The following TACC1 variants were observed in gnomAD, a reference collection of about 807,000 sequenced individuals.
TACC1 encodes transforming acidic coiled-coil containing protein 1.
TACC1 carries 48 observed loss-of-function variants against 84.4 expected under a neutral mutation model. That is an observed-to-expected ratio of 0.57 (90% confidence interval 0.45 to 0.72). The LOEUF is 0.72. Among genes scored for constraint, TACC1 ranks in the 30% least tolerant of loss-of-function variants. The pLI, the probability that TACC1 is intolerant of heterozygous loss-of-function variation, is 0.00. For missense variants in TACC1, 920 were observed against 973.0 expected, an observed-to-expected ratio of 0.95 and a Z score of 0.72; for synonymous variants, 372 against 376.3, an observed-to-expected ratio of 0.99 and a Z score of 0.13.
chr8:38,800,525 G>A (rs1397656083), intron 2 of TACC1, among the ~76,000 whole-genome samples: 3 of 152,114 alleles, frequency 2.0e-5, no homozygotes, highest in Non-Finnish European at 2.9e-5. Context: ...ATGTAGTCTT[G>A]TATGACTGAA....
At chr8:38,783,829 C>T (rs201963987), upstream of TACC1, among the ~76,000 whole-genome samples, 5 of 152,238 alleles carry the variant, frequency 3.3e-5, no homozygotes, top group East Asian at 3.9e-4. Flanking sequence ...GTCCTGATTT[C>T]GGTGTTTGGG....
At chr8:38,807,499 A>G (rs547961738) in intron 2 of TACC1, among the ~76,000 whole-genome samples, 1 of 152,196 alleles carries the variant, frequency 6.6e-6, no homozygotes, top group East Asian at 1.9e-4. Context: ...GCTCTTAGAC[A>G]ATGTTTTGCC....
At chr8:38,759,936 A>G (rs1220522130) in intron 3 of TACC1, among the ~76,000 whole-genome samples, 2 of 152,216 alleles carry the variant, frequency 1.3e-5, no homozygotes, top group African/African-American at 2.4e-5. Context: ...ACCCGGCTAC[A>G]GACTTCCTGC....
chr8:38,768,628 G>A (rs1416045209), intron 3 of TACC1, among the ~76,000 whole-genome samples: 1 of 152,170 alleles, frequency 6.6e-6, no homozygotes, highest in Non-Finnish European at 1.5e-5. Flanking sequence ...GGCTGAGCAA[G>A]AAGCTGTGTC....
chr8:38,790,075 G>A (rs1365432020), intron 2 of TACC1, among the ~76,000 whole-genome samples: 2 of 152,200 alleles, frequency 1.3e-5, no homozygotes, highest in Non-Finnish European at 2.9e-5. Context: ...TCAAGGTGTT[G>A]GCAGGGCCTT....
At chr8:38,821,162 G>A (rs1269818642) in intron 3 of TACC1, among the ~76,000 whole-genome samples, 3 of 151,532 alleles carry the variant, frequency 2.0e-5, no homozygotes, top group African/African-American at 4.9e-5. Context: ...CCGAGATCAC[G>A]CCGCTGCTCT....
At chr8:38,834,476 G>T (rs899830399) in intron 6 of TACC1, among the ~76,000 whole-genome samples, 1 of 152,132 alleles carries the variant, frequency 6.6e-6, no homozygotes, top group African/African-American at 2.4e-5. Context: ...GGTTACTGGG[G>T]GGCATTTTAG....
At position 38,787,635 on chromosome 8, in the gene TACC1, CGTG is replaced by C. The variant is rs1186430677; in HGVS notation, c.56_58del (p.Trp19del). ...TCCCCCGTGCAGTGGGCGAAATGGA[CGTG>C]GTCTGCGGTACGCGGCGGGGCCGCC... On this transcript the variant is annotated inframe_deletion, in exon 1 of 13. Transcript: ENST00000317827. The C allele has an allele frequency of 3.9e-6, 6 of 1,549,338 alleles. No individual in the cohort carries two copies. Among genetic ancestry groups the C allele is most frequent in the Non-Finnish European group, 5.2e-6 (6 of 1,146,874 alleles).
chr8:38,747,914 G>A (rs1808359493), intron 3 of TACC1, among the ~76,000 whole-genome samples: 1 of 152,174 alleles, frequency 6.6e-6, no homozygotes, highest in African/African-American at 2.4e-5. Flanking sequence ...CACCACTCTG[G>A]TATGGGATGT....
intron 3 of TACC1, among the ~76,000 whole-genome samples, chr8:38,755,186 G>A (rs1453199822): frequency 6.9e-6 from 1 of 145,784 alleles, no homozygotes; most frequent in Non-Finnish European, 1.5e-5. Context: ...AAAAAGATCT[G>A]TTGTCAATGT....
At chr8:38,799,601 A>G (rs1820868899) in intron 2 of TACC1, 1 of 152,238 alleles carries the variant, frequency 6.6e-6, no homozygotes, top group South Asian at 2.1e-4. Context: ...TAAAAGTTAG[A>G]ATTTTAAAAA....
chr8:38,769,364 G>GTAT, intron 3 of TACC1, among the ~76,000 whole-genome samples: 1 of 148,540 alleles, frequency 6.7e-6, no homozygotes, highest in South Asian at 2.2e-4. Context: ...GATACTGCAT[G>GTAT]GGTGGGGGTG....
intron 4 of TACC1, 145 bp from the exon 5 acceptor site, chr8:38,827,023 T>G: frequency 1.6e-6 from 1 of 643,332 alleles, no homozygotes; most frequent in Non-Finnish European, 2.7e-6. Flanking sequence ...GACTCCAACT[T>G]CCTCCTTGCT....
At chr8:38,766,272 T>C (rs1312857076) in intron 3 of TACC1, among the ~76,000 whole-genome samples, 1 of 152,268 alleles carries the variant, frequency 6.6e-6, no homozygotes, top group Non-Finnish European at 1.5e-5. Flanking sequence ...TGTACAATTG[T>C]ACAATAGTAC....
intron 1 of TACC1, among the ~76,000 whole-genome samples, chr8:38,731,772 C>CAACAACAAAAT (rs1331324871): frequency 3.1e-4 from 40 of 127,856 alleles, no homozygotes; most frequent in African/African-American, 5.7e-4. Context: ...AACAACAAAA[C>CAACAACAAAAT]TAGTCTTTAG....
Position 38,827,230 on chromosome 8 carries a change from T to C in TACC1, c.1515T>C (p.Asp505=). The stretch of plus-strand genomic sequence containing the variant: ...CTAATAGGGATGGCCATGCTACTGA[T>C]GAGGAGAAACTGGCATCCACGTCAT... ...DISNRDGHAT[D]EEKLASTSCG... The change falls in exon 5 of 13, where the codon GAT becomes GAC. Residue 505 remains aspartate (D), a synonymous_variant. Transcript: ENST00000317827. 2 of 1,614,176 alleles carry C rather than the reference T, an allele frequency of 1.2e-6. No homozygotes were observed. Among genetic ancestry groups the C allele is most frequent in the Non-Finnish European group, 8.5e-7 (1 of 1,180,028 alleles).
At chr8:38,756,007 G>T (rs1809965958) in intron 3 of TACC1, among the ~76,000 whole-genome samples, 1 of 151,886 alleles carries the variant, frequency 6.6e-6, no homozygotes. Flanking sequence ...TAGAGACGGG[G>T]TTTCACCATG....
chr8:38,769,240 T>C (rs1435085800), intron 3 of TACC1, among the ~76,000 whole-genome samples: 1 of 136,432 alleles, frequency 7.3e-6, no homozygotes, highest in Non-Finnish European at 1.6e-5. Flanking sequence ...AGACTGTGTA[T>C]GGGTTGGGGG....
At chr8:38,815,680 A>G (rs1825277549) in intron 2 of TACC1, among the ~76,000 whole-genome samples, 1 of 152,090 alleles carries the variant, frequency 6.6e-6, no homozygotes, top group Admixed American at 6.6e-5. Context: ...CGGCCTCCCA[A>G]AGTGCTGGGA....
Sources: gnomAD v4.1 joint callset for allele counts (sites outside exome capture counted in the v4.1 genomes callset) on GRCh38, gnomAD v4.1.1 for gene constraint, MANE v1.5 for transcripts, NCBI Gene and HGNC (gene_info 2026-07-23, HGNC 2026-07-21) for gene names.